The following ARHGAP26 variants were observed in gnomAD, a reference collection of about 807,000 sequenced individuals.
ARHGAP26 encodes the protein Rho GTPase activating protein 26.
A neutral mutation model predicts 104.8 loss-of-function variants in ARHGAP26; 38 were observed. The ratio of observed to expected loss-of-function variants is 0.36; its 90% CI spans 0.28 to 0.48. ARHGAP26 has a LOEUF of 0.48. Ranked by LOEUF, ARHGAP26 falls within the 20% of genes least tolerant of loss-of-function variation. The probability of loss-of-function intolerance (pLI) is 0.99; values close to 1 mark genes in which losing one functional copy is unlikely to be tolerated. For synonymous variants in ARHGAP26, 341 were observed against 340.0 expected (o/e 1.00, Z -0.03); for missense variants, 704 against 947.9 (o/e 0.74, Z 3.38).
chr5:142,980,106 T>G lies in ARHGAP26; in HGVS notation c.1108-33974T>G, dbSNP rs181785575. Among the ~76,000 whole-genome samples, 6 of 152,322 alleles carry G rather than the reference T, an allele frequency of 3.9e-5. No individual in the cohort carries two copies. The East Asian group carries it at 1.2e-3, about 29-fold the overall frequency. ...CCACTCTTCTGACTTATATTGCCAT[T>G]GATTAGTTTCCCTGTTCTTGGTGCT... On this transcript the variant is annotated intron_variant, in intron 11 of 22. Transcript: ENST00000645722.
chr5:142,971,878 C>T lies in ARHGAP26; in HGVS notation c.1107+39753C>T, dbSNP rs144246044. 1.8e-3 allele frequency among the ~76,000 whole-genome samples: 275 copies of T among 152,238 alleles called. 1 individual carries two copies. Among genetic ancestry groups the T allele is most frequent in the African/African-American group, 5.7e-3 (238 of 41,552 alleles). ...TTGATTTCATTTCCTATGTGATACA[C>T]GGAGTTTAAGATACAGTTGTGGGCC... On this transcript the variant is annotated intron_variant, in intron 11 of 22. Transcript: ENST00000645722.
intron 17 of ARHGAP26, among the ~76,000 whole-genome samples, chr5:143,078,224 G>T (rs1396194460): frequency 1.3e-5 from 2 of 152,176 alleles, no homozygotes; most frequent in African/African-American, 2.4e-5. Flanking sequence ...ACACCAAAAT[G>T]ATGTGTTAGC....
chr5:142,889,785 A>C (rs1249717689), intron 5 of ARHGAP26, among the ~76,000 whole-genome samples: 2 of 152,020 alleles, frequency 1.3e-5, no homozygotes, highest in Non-Finnish European at 2.9e-5. Context: ...TCAGGTTGTG[A>C]GTGTGTCGCA....
intron 6 of ARHGAP26, among the ~76,000 whole-genome samples, 192 bp downstream of exon 6, chr5:142,894,540 CAT>C (rs1759192226): frequency 6.6e-6 from 1 of 152,208 alleles, no homozygotes; most frequent in Non-Finnish European, 1.5e-5. Context: ...CTGTACAACA[CAT>C]AGCAATGGAG....
rs746182844 is a variant in ARHGAP26 at position 143,214,081 on chromosome 5, C to T, written c.2184C>T (p.Phe728=). The stretch of plus-strand genomic sequence containing the variant: ...TTTCGTTCACAGCAGGCACGGTCTT[C>T]GATAACGGTGAGTTTCTCATCCCCT... ...SELSFTAGTV[F]DNVHPSQEPG... The change falls in exon 22 of 23, where the codon TTC becomes TTT. Residue 728 remains phenylalanine, a synonymous_variant. Coordinates refer to ENST00000645722, the MANE Select transcript of ARHGAP26 (RefSeq NM_001135608.3). 30 of 1,538,808 alleles carry T rather than the reference C, an allele frequency of 1.9e-5. No homozygotes were observed. Among genetic ancestry groups the T allele is most frequent in the Non-Finnish European group, 2.3e-5 (26 of 1,132,822 alleles).
chr5:142,928,332 T>G (rs1204591523), intron 10 of ARHGAP26, among the ~76,000 whole-genome samples: 4 of 152,052 alleles, frequency 2.6e-5, no homozygotes, highest in Non-Finnish European at 1.5e-5. Context: ...TAAGCCCCAG[T>G]TATTCTGGAC....
chr5:143,143,187 G>A (rs1027592594), intron 19 of ARHGAP26, among the ~76,000 whole-genome samples: 10 of 152,210 alleles, frequency 6.6e-5, no homozygotes, highest in African/African-American at 1.7e-4. Context: ...CAAATGTTTC[G>A]TATTTACCCT....
Position 143,126,232 on chromosome 5 carries a change from C to T in ARHGAP26, c.1698+5085C>T, listed in dbSNP as rs573534639. ...AGAGAAAGAGTAGAGATAGGAGGGA[C>T]AGCCACTCAGAGGAGCAGCATTAAT... On this transcript the variant is annotated intron_variant, in intron 18 of 22. Transcript: ENST00000645722. 7.9e-5 allele frequency among the ~76,000 whole-genome samples: 12 copies of T among 152,296 alleles called. No homozygotes were observed. In the South Asian group the frequency reaches 1.5e-3, roughly 18 times the overall value.
intron 1 of ARHGAP26, among the ~76,000 whole-genome samples, chr5:142,773,101 G>A (rs574220674): frequency 6.6e-6 from 1 of 152,198 alleles, no homozygotes; most frequent in African/African-American, 2.4e-5. Context: ...TAAAAATAGA[G>A]GGTGGAGTCA....
intron 11 of ARHGAP26, among the ~76,000 whole-genome samples, chr5:142,981,026 T>A (rs1321572590): frequency 6.6e-6 from 1 of 152,242 alleles, no homozygotes; most frequent in Non-Finnish European, 1.5e-5. Context: ...TTTGGATATC[T>A]TTTGAGAAAT....
At chr5:143,212,735 A>G (rs528587953) in intron 21 of ARHGAP26, among the ~76,000 whole-genome samples, 2 of 152,360 alleles carry the variant, frequency 1.3e-5, no homozygotes, top group African/African-American at 4.8e-5. Flanking sequence ...TGTGGCTCAC[A>G]AAGCCTGAAA....
At chr5:143,206,848 G>A (rs996079527) in intron 20 of ARHGAP26, among the ~76,000 whole-genome samples, 1 of 152,254 alleles carries the variant, frequency 6.6e-6, no homozygotes, top group African/African-American at 2.4e-5. Context: ...CTATAAGCTA[G>A]CCCTGCCTCA....
chr5:142,846,110 C>T (rs1257099290), intron 1 of ARHGAP26, among the ~76,000 whole-genome samples: 1 of 152,210 alleles, frequency 6.6e-6, no homozygotes, highest in Non-Finnish European at 1.5e-5. Flanking sequence ...GGGCAGTGTA[C>T]TGCAGCGTTT....
chr5:142,919,254 C>T (rs537648983), intron 10 of ARHGAP26: 27 of 398,482 alleles, frequency 6.8e-5, no homozygotes, highest in Middle Eastern at 6.3e-4. Context: ...GAGAAGATAC[C>T]GTGTTAACAT....
intron 12 of ARHGAP26, among the ~76,000 whole-genome samples, chr5:143,017,569 A>ATG (rs1177489982): frequency 6.6e-6 from 1 of 152,098 alleles, no homozygotes; most frequent in Non-Finnish European, 1.5e-5. Context: ...TTTTTCTAAA[A>ATG]TGTGTGTCTT....
chr5:142,826,718 C>T (rs75926611), intron 1 of ARHGAP26, among the ~76,000 whole-genome samples: 1,818 of 152,284 alleles, frequency 0.012, 40 homozygotes, highest in African/African-American at 0.042. Context: ...TCACCAGGTG[C>T]GATCTAGTTT....
intron 1 of ARHGAP26, among the ~76,000 whole-genome samples, chr5:142,843,081 T>A (rs896101230): frequency 6.6e-6 from 1 of 152,212 alleles, no homozygotes; most frequent in Non-Finnish European, 1.5e-5. Context: ...TGGCAACTTC[T>A]TATACTTATT....
Position 142,815,101 on chromosome 5 carries a change from A to G in ARHGAP26, c.154+44186A>G, listed in dbSNP as rs535599159. ...CTGCAACCTCTGCCTCCCGGGTTCA[A>G]GGGATTCCCCTGCCTCAGCCTCCCA... On this transcript the variant is annotated intron_variant, in intron 1 of 22. Transcript: ENST00000645722. Among the ~76,000 whole-genome samples, 7 of 152,334 alleles carry G rather than the reference A, an allele frequency of 4.6e-5. No individual in the cohort carries two copies. In the South Asian group the frequency reaches 8.3e-4, roughly 18 times the overall value.
At chr5:142,905,381 G>A (rs1013499659) in intron 8 of ARHGAP26, among the ~76,000 whole-genome samples, 5 of 142,276 alleles carry the variant, frequency 3.5e-5, no homozygotes, top group African/African-American at 1.4e-4. Flanking sequence ...CACATGATGG[G>A]GATACAGCAC....
Sources: gnomAD v4.1 joint callset for allele counts (sites outside exome capture counted in the v4.1 genomes callset) on GRCh38, gnomAD v4.1.1 for gene constraint, MANE v1.5 for transcripts, NCBI Gene and HGNC (gene_info 2026-07-23, HGNC 2026-07-21) for gene names.